BCKDHB: variants seen among roughly 807,000 people sequenced by gnomAD.
The protein encoded by BCKDHB is branched chain keto acid dehydrogenase E1 subunit beta, also known as 2-oxoisovalerate dehydrogenase subunit beta, mitochondrial.
A neutral mutation model predicts 48.5 loss-of-function variants in BCKDHB; 41 were observed. The observed-to-expected ratio is 0.85, with a 90% confidence interval of 0.66 to 1.10. The LOEUF is 1.10. Ranked by LOEUF, BCKDHB falls within the 50% of genes least tolerant of loss-of-function variation. The pLI, the probability that BCKDHB is intolerant of heterozygous loss-of-function variation, is 0.00. For synonymous variants in BCKDHB, 201 were observed against 174.8 expected, an observed-to-expected ratio of 1.15 and a Z score of -1.18; for missense variants, 496 against 494.2, an observed-to-expected ratio of 1.00 and a Z score of -0.03.
chr6:80,222,192 C>G (rs1398511879), intron 8 of BCKDHB, among the ~76,000 whole-genome samples: 1 of 152,146 alleles, frequency 6.6e-6, no homozygotes, highest in South Asian at 2.1e-4. Flanking sequence ...TTGTTTAGCT[C>G]CTACTTATAA....
At chr6:80,407,508 T>A in the BCKDHB span, among the ~76,000 whole-genome samples, 1 of 152,194 alleles carries the variant, frequency 6.6e-6, no homozygotes, top group Non-Finnish European at 1.5e-5. Context: ...GTTCTTCCAT[T>A]TGTTTGTGTC....
chr6:80,422,432 A>C, the BCKDHB span, among the ~76,000 whole-genome samples: 1 of 152,236 alleles, frequency 6.6e-6, no homozygotes, highest in Non-Finnish European at 1.5e-5. Flanking sequence ...GCACCCACAC[A>C]GAGTCCCCAA....
intron 3 of BCKDHB, among the ~76,000 whole-genome samples, chr6:80,160,974 G>T (rs1443690265): frequency 6.6e-6 from 1 of 152,178 alleles, no homozygotes; most frequent in African/African-American, 2.4e-5. Context: ...AGTTTAGAAA[G>T]AAGTAATTCA....
At chr6:80,124,045 C>A (rs890602771) in intron 1 of BCKDHB, among the ~76,000 whole-genome samples, 45 of 152,076 alleles carry the variant, frequency 3.0e-4, no homozygotes, top group African/African-American at 9.7e-4. Context: ...TATAAATTTC[C>A]CTCTCCACAC....
the BCKDHB span, among the ~76,000 whole-genome samples, chr6:80,448,455 T>C: frequency 7.9e-5 from 12 of 152,070 alleles, no homozygotes; most frequent in Admixed American, 1.3e-4. Flanking sequence ...GGTTGCTCAG[T>C]ACATCAGGAG....
At chr6:80,422,190 C>G in the BCKDHB span, among the ~76,000 whole-genome samples, 2 of 152,138 alleles carry the variant, frequency 1.3e-5, no homozygotes, top group Admixed American at 1.3e-4. Context: ...TAAAAGGGAC[C>G]AAAGTATCAC....
intron 3 of BCKDHB, 59 bp from the exon 4 acceptor site, chr6:80,167,619 A>G (rs1427249995): frequency 1.0e-5 from 15 of 1,481,978 alleles, no homozygotes; most frequent in South Asian, 2.3e-5. Flanking sequence ...TTTTAAATGT[A>G]TTATGCATGA....
At chr6:80,292,994 G>A (rs1767014054) in intron 9 of BCKDHB, among the ~76,000 whole-genome samples, 1 of 152,230 alleles carries the variant, frequency 6.6e-6, no homozygotes, top group Non-Finnish European at 1.5e-5. Flanking sequence ...GGGCAGAGCT[G>A]CCCCTGTGGC....
the BCKDHB span, among the ~76,000 whole-genome samples, chr6:80,373,393 A>G: frequency 6.6e-6 from 1 of 152,062 alleles, no homozygotes; most frequent in Non-Finnish European, 1.5e-5. Flanking sequence ...TTTTCAAAGA[A>G]CCAGTTTTTG....
downstream of BCKDHB, among the ~76,000 whole-genome samples, chr6:80,349,044 G>A (rs948724955): frequency 6.6e-6 from 1 of 152,182 alleles, no homozygotes. Flanking sequence ...ACACTTTTAT[G>A]TGAAGTGATG....
intron 9 of BCKDHB, among the ~76,000 whole-genome samples, chr6:80,322,022 A>G (rs1056008524): frequency 2.0e-5 from 3 of 152,214 alleles, no homozygotes; most frequent in African/African-American, 7.2e-5. Context: ...ACTTGCTCCA[A>G]GGAGCATTCA....
At chr6:80,206,825 T>G (rs1774687625) in intron 8 of BCKDHB, among the ~76,000 whole-genome samples, 2 of 151,796 alleles carry the variant, frequency 1.3e-5, no homozygotes, top group South Asian at 4.2e-4. Flanking sequence ...AGAGAAAATC[T>G]CTAACAGTAT....
chr6:80,211,103 A>G (rs1291981401), intron 8 of BCKDHB, among the ~76,000 whole-genome samples: 1 of 152,182 alleles, frequency 6.6e-6, no homozygotes, highest in African/African-American at 2.4e-5. Flanking sequence ...CATCGTTGTC[A>G]TTTAATCTAG....
At chr6:80,204,649 CTTTA>C (rs763794301) in intron 8 of BCKDHB, among the ~76,000 whole-genome samples, 2 of 151,996 alleles carry the variant, frequency 1.3e-5, no homozygotes, top group East Asian at 1.9e-4. Context: ...ACTTTTAGAA[CTTTA>C]TTTACGTATC....
At position 80,208,693 on chromosome 6, in the gene BCKDHB, C is replaced by T. The variant is rs536752386; in HGVS notation, c.951+5481C>T. On this transcript the variant is annotated intron_variant, in intron 8 of 9. Transcript: ENST00000320393. ...AGTTTTGAGTAAAGTTGACAATTTT[C>T]TGGAAAAATATAAGTCATTCAACAT... 6.6e-5 allele frequency among the ~76,000 whole-genome samples: 10 copies of T among 151,754 alleles called. No individual in the cohort carries two copies. In the South Asian group the frequency reaches 2.1e-3, roughly 32 times the overall value.
chr6:80,365,415 T>A, the BCKDHB span, among the ~76,000 whole-genome samples: 1 of 151,852 alleles, frequency 6.6e-6, no homozygotes, highest in African/African-American at 2.4e-5. Context: ...CCAGAGGGTC[T>A]CCCCCCAGGA....
At chr6:80,290,608 A>G (rs1165973208) in intron 9 of BCKDHB, among the ~76,000 whole-genome samples, 1 of 152,164 alleles carries the variant, frequency 6.6e-6, no homozygotes, top group Non-Finnish European at 1.5e-5. Flanking sequence ...CCACTACTAT[A>G]TGCTCCTTTG....
At chr6:80,380,431 TAACTC>T in the BCKDHB span, among the ~76,000 whole-genome samples, 1 of 151,860 alleles carries the variant, frequency 6.6e-6, no homozygotes, top group Admixed American at 6.6e-5. Context: ...ATAAAAAAAT[TAACTC>T]AAGATGGATT....
At chr6:80,215,149 T>G (rs982086959) in intron 8 of BCKDHB, among the ~76,000 whole-genome samples, 2 of 152,224 alleles carry the variant, frequency 1.3e-5, no homozygotes, top group Non-Finnish European at 2.9e-5. Context: ...AAAAATGGTC[T>G]CATTTTGTGT....
Sources: gnomAD v4.1 joint callset for allele counts (sites outside exome capture counted in the v4.1 genomes callset) on GRCh38, gnomAD v4.1.1 for gene constraint, MANE v1.5 for transcripts, NCBI Gene and HGNC (gene_info 2026-07-23, HGNC 2026-07-21) for gene names.